The following CYTH2 variants were observed in gnomAD, a reference collection of about 807,000 sequenced individuals.
CYTH2 encodes cytohesin 2.
CYTH2 carries 24 observed loss-of-function variants against 55.4 expected under a neutral mutation model. The observed-to-expected ratio is 0.43, with a 90% CI of 0.31 to 0.61. The LOEUF (loss-of-function observed/expected upper bound fraction) is 0.61, where lower values mean the gene tolerates loss of function less well. Ranked by LOEUF, CYTH2 falls within the 20% of genes least tolerant of loss-of-function variation. The pLI, the probability that CYTH2 is intolerant of heterozygous loss-of-function variation, is 0.08. For missense variants in CYTH2, 378 were observed against 533.5 expected, an observed-to-expected ratio of 0.71 and a Z score of 2.87; for synonymous variants, 221 against 209.6, an observed-to-expected ratio of 1.05 and a Z score of -0.47.
chr19:48,476,564 G>A (rs371415590), intron 8 of CYTH2: 3 of 152,392 alleles, frequency 2.0e-5, no homozygotes, highest in African/African-American at 4.8e-5. Context: ...CCAGCATCAC[G>A]AGGAACTGCT....
chr19:48,475,890 G>C (rs896922196), intron 8 of CYTH2: 12 of 338,896 alleles, frequency 3.5e-5, no homozygotes, highest in Non-Finnish European at 4.2e-5. Flanking sequence ...ATGGAGACAC[G>C]GTGCACAGCT....
chr19:48,469,785 GC>G, intron 1 of CYTH2: 6 of 645,366 alleles, frequency 9.3e-6, no homozygotes, highest in Non-Finnish European at 1.6e-5. Context: ...CGAGGCCGGG[GC>G]GGAACCATTC....
In CYTH2 at chr19:48,478,429, C is replaced by T. The variant is rs377606573; in HGVS notation, c.958-9C>T. On this transcript the variant is annotated splice_polypyrimidine_tract_variant and intron_variant, in intron 10 of 11. Transcript: ENST00000452733. Reference sequence around the variant, plus strand: ...GTTCTTACCTGCGCCCTTCCTCTCTCGTCCCCAGAACTGCTTTGAACTTTA... The same window carrying T: ...GTTCTTACCTGCGCCCTTCCTCTCTTGTCCCCAGAACTGCTTTGAACTTTA... The T allele has an allele frequency of 2.1e-4, 339 of 1,613,424 alleles. 3 individuals are homozygous for T. The South Asian group carries it at 2.7e-3, about 13-fold the overall frequency.
At position 48,469,674 on chromosome 19, in the gene CYTH2, A is replaced by G. The variant is rs1486713720; in HGVS notation, c.19+148A>G. On this transcript the variant is annotated intron_variant, in intron 1 of 11. Transcript: ENST00000452733. ...TCGCGCCGCTTTTGTTGGGCGCTGG[A>G]CGGGCTTCCGGCGGGGCCCGAAAGC... 6 of 1,245,742 alleles carry G rather than the reference A, an allele frequency of 4.8e-6. No homozygotes were observed. The South Asian group carries it at 1.1e-4, about 22-fold the overall frequency. 77.2% of individuals were successfully genotyped at this position (1,245,742 alleles called of 1,614,324 possible).
At chr19:48,470,150 C>T (rs1971760574) in intron 1 of CYTH2, 1 of 845,314 alleles carries the variant, frequency 1.2e-6, no homozygotes, top group Admixed American at 2.1e-5. Context: ...GGCCCCAATT[C>T]CCCTTGTCCC....
intron 11 of CYTH2, 52 bp downstream of exon 11, chr19:48,478,644 T>A (rs1971976860): frequency 6.8e-7 from 1 of 1,474,982 alleles, no homozygotes; most frequent in Non-Finnish European, 9.0e-7. Context: ...CCTGGACTCC[T>A]GGGTCTGATG....
intron 4 of CYTH2, chr19:48,472,681 G>C: frequency 1.8e-6 from 1 of 569,026 alleles, no homozygotes; most frequent in Non-Finnish European, 3.2e-6. Context: ...TGGCAGTTGT[G>C]GGGAAGCATC....
chr19:48,480,397 A>G lies in CYTH2; in HGVS notation c.*1187A>G, dbSNP rs376502996. 1.3e-5 allele frequency: 2 copies of G among 152,116 alleles called. No homozygotes were observed. Among genetic ancestry groups the G allele is most frequent in the Non-Finnish European group, 1.5e-5 (1 of 68,010 alleles). The allele number at this position is 152,116 out of a possible 1,614,324, so 9.4% of individuals were successfully genotyped here. On this transcript the variant is annotated 3_prime_UTR_variant, in exon 12 of 12. Transcript: ENST00000452733. Reference sequence around the variant, plus strand: ...GCTGTGTTCGCTTTTGAGCTCTCCGATGGGATGCGGCGCTTCGGAATTTCG... The same window carrying G: ...GCTGTGTTCGCTTTTGAGCTCTCCGGTGGGATGCGGCGCTTCGGAATTTCG...
chr19:48,469,780 C>A, intron 1 of CYTH2: 1 of 615,120 alleles, frequency 1.6e-6, no homozygotes, highest in Non-Finnish European at 2.7e-6. Context: ...GGAGGCGAGG[C>A]CGGGGCGGAA....
rs1023973940 is a variant in CYTH2, at chr19:48,474,774, C to T, written c.697-64C>T. 1.4e-6 allele frequency: 2 copies of T among 1,456,648 alleles called. No homozygotes were observed. The highest frequency in any genetic ancestry group is 1.7e-5 in the Admixed American group (1 of 58,806). 90.2% of individuals were successfully genotyped at this position (1,456,648 alleles called of 1,614,324 possible). On this transcript the variant is annotated intron_variant, in intron 7 of 11. Transcript: ENST00000452733. This position sits in a 1 kb window ranked among gnomAD's most constrained non-coding sequence, Gnocchi z 4.9. ...TCCCATCCCTGGTCTCGCTGCCCCC[C>T]ACCCTGAGTAACCCTGGGGGGCCCC... is the stretch of plus-strand genomic sequence containing the variant.
rs1972008436 is a variant in CYTH2 at position 48,479,392 on chromosome 19, G to C, written c.*182G>C. On this transcript the variant is annotated 3_prime_UTR_variant, in exon 12 of 12. Transcript: ENST00000452733. ...TATTAATTATTTAACCACTTGGCCTGCTGACCCCCTCATTTCTTGGGGTTG... is the reference window on the plus strand; with the variant it reads ...TATTAATTATTTAACCACTTGGCCTCCTGACCCCCTCATTTCTTGGGGTTG... The C allele has an allele frequency of 1.2e-4, 75 of 611,540 alleles. No homozygotes were observed. The East Asian group carries it at 2.2e-3, about 18-fold the overall frequency. The allele number at this position is 611,540 out of a possible 1,614,324, so 37.9% of individuals were successfully genotyped here. A position where few individuals can be genotyped will look rare whatever the true frequency, so the allele number is the denominator to read the frequency against.
In CYTH2 at chr19:48,478,158, C is replaced by G; in HGVS notation, c.885+13C>G. ...TGAGTACACCACGGTGAGCGTGACC[C>G]GACCCGGGCTCTGGGGTCCTGGGCG... On this transcript the variant is annotated intron_variant, in intron 9 of 11. Coordinates refer to ENST00000452733, the MANE Select transcript of CYTH2 (RefSeq NM_004228.7). 6.2e-7 allele frequency: 1 copy of G among 1,613,636 alleles called. No homozygotes were observed.
At chr19:48,470,524 A>AG (rs749261678) in intron 2 of CYTH2, 24 bp downstream of exon 2, 1 of 1,613,724 alleles carries the variant, frequency 6.2e-7, no homozygotes. Flanking sequence ...CGGATGACCT[A>AG]GGGGGCGTGG....
Position 48,478,587 on chromosome 19 carries a change from C to T in CYTH2, c.1107C>T (p.Ser369=), listed in dbSNP as rs147352285. Residue 369 remains serine, a synonymous_variant, in exon 11 of 12, where the codon TCC becomes TCT. Transcript: ENST00000452733. ...AGGAGAAGGACGAGTGGATCAAGTC[C>T]ATCCAGTGAGCCTGGACTCCTGGGC... The part of the protein sequence containing the change: ...TQEEKDEWIK[S]IQAAVSVDPF... The T allele has an allele frequency of 8.1e-6, 13 of 1,607,816 alleles. No homozygotes were observed. In the African/African-American group the frequency reaches 1.7e-4, roughly 22 times the overall value.
Position 48,470,361 on chromosome 19 carries a change from G to C in CYTH2, c.28G>C (p.Asp10His), listed in dbSNP as rs1971767418. The change falls in exon 2 of 12, where the codon GAC (aspartate) becomes CAC (histidine). Residue 10 changes from aspartate to histidine, a missense_variant. By Grantham distance (81) the Asp-to-His change is moderately conservative. Coordinates refer to ENST00000452733, the MANE Select transcript of CYTH2 (RefSeq NM_004228.7). ...TTGACCCCGATCCCTAGAACCCCCA[G>C]ACCTGACTCCGGAGGAGCGGATGGA... MEDGVYEPP[D>H]LTPEERMELE... is the part of the protein sequence containing the mutation. The C allele has an allele frequency of 6.2e-7, 1 of 1,611,708 alleles. No individual in the cohort carries two copies. The highest frequency in any genetic ancestry group is 2.2e-5 in the East Asian group (1 of 44,866).
Position 48,479,401 on chromosome 19 carries a change from C to T in CYTH2, c.*191C>T. On this transcript the variant is annotated 3_prime_UTR_variant, in exon 12 of 12. Coordinates refer to ENST00000452733, the MANE Select transcript of CYTH2 (RefSeq NM_004228.7). ...TTTAACCACTTGGCCTGCTGACCCC[C>T]TCATTTCTTGGGGTTGACAGAGTCG... The T allele has an allele frequency of 1.7e-6, 1 of 603,058 alleles. No homozygotes were observed. The allele number at this position is 603,058 out of a possible 1,614,324, so 37.4% of individuals were successfully genotyped here.
rs969908319 is a variant in CYTH2, at chr19:48,481,198, G to A, written c.*1988G>A. On this transcript the variant is annotated 3_prime_UTR_variant, in exon 12 of 12. Transcript: ENST00000452733. ...AGGTGGAGAACGTTGGGCCACGCTA[G>A]GAGTCTTGAAAGAGGAGCCAAAAGG... 2.6e-5 allele frequency: 4 copies of A among 153,062 alleles called. No individual in the cohort carries two copies. 9.5% of individuals were successfully genotyped at this position (153,062 alleles called of 1,614,324 possible).
intron 8 of CYTH2, chr19:48,477,769 G>T: frequency 2.3e-6 from 1 of 441,872 alleles, no homozygotes; most frequent in African/African-American, 1.9e-5. Flanking sequence ...AGGGGAGGGG[G>T]CTGCCCTGGC....
At chr19:48,469,934 G>C (rs1971754169) in intron 1 of CYTH2, 2 of 559,068 alleles carry the variant, frequency 3.6e-6, no homozygotes, top group East Asian at 9.1e-5. Flanking sequence ...GCTGTCATCA[G>C]TTCCCCCGGC....
Sources: gnomAD v4.1 joint callset for allele counts on GRCh38, gnomAD v4.1.1 for gene constraint, Gnocchi (gnomAD v3.1) non-coding constraint, MANE v1.5 for transcripts, NCBI Gene and HGNC (gene_info 2026-07-23, HGNC 2026-07-21) for gene names.